Variants in DDX43 observed in about 807,000 individuals in gnomAD.
DDX43 encodes the protein probable ATP-dependent RNA helicase DDX43.
Under a neutral mutation model 84.9 loss-of-function variants are expected in DDX43, and 50 were observed. The ratio of observed to expected loss-of-function variants is 0.59; its 90% CI spans 0.47 to 0.75. The LOEUF (loss-of-function observed/expected upper bound fraction) is 0.75. Ranked by LOEUF, DDX43 falls within the 30% of genes least tolerant of loss-of-function variation. The probability of loss-of-function intolerance (pLI) is 0.00; values close to 1 mark genes in which losing one functional copy is unlikely to be tolerated. For missense variants in DDX43, 689 were observed against 798.6 expected, an observed-to-expected ratio of 0.86 and a Z score of 1.65; for synonymous variants, 291 against 266.3, an observed-to-expected ratio of 1.09 and a Z score of -0.90.
rs11544340 is a variant in DDX43, at chr6:73,395,084, C to G, written c.179C>G (p.Ala60Gly). ...AGAGGCACCTCTAGGCCCCCGGAGG[C>G]CGTGGCCGCTGGTCACGAGGAACTG... is the stretch of plus-strand genomic sequence containing the variant. ...RWRGTSRPPE[A>G]VAAGHEELPL... The change falls in exon 1 of 17, where the codon GCC (alanine) becomes GGC (glycine). Residue 60 changes from alanine to glycine, a missense_variant. Ala to Gly is a moderately conservative substitution (Grantham distance 60). Around this residue, in one of 2 missense-constraint regions of DDX43, gnomAD observed 137 missense variants for 105.9 expected, o/e 1.29. Coordinates refer to ENST00000370336, the MANE Select transcript of DDX43 (RefSeq NM_018665.3). 181 of 1,614,042 alleles carry G rather than the reference C, an allele frequency of 1.1e-4. No individual in the cohort carries two copies. In the African/African-American group the frequency reaches 2.3e-3, roughly 21 times the overall value.
rs762493306 is a variant in DDX43 at position 73,395,030 on chromosome 6, G to C, written c.125G>C (p.Gly42Ala). The change falls in exon 1 of 17, where the codon GGA becomes GCA. Residue 42 changes from glycine (G) to alanine (A), a missense_variant. Physicochemically the swap from Gly to Ala is moderately conservative, Grantham distance 60. Coordinates refer to ENST00000370336, the MANE Select transcript of DDX43 (RefSeq NM_018665.3). ...GAGTTGAATCGAACAGGTCCTGAGG[G>C]ATATAGTGTCGGCAGAGGTGGTCGC... ...AEELNRTGPEGYSVGRGGRWR... is the reference protein window; with the variant it reads ...AEELNRTGPEAYSVGRGGRWR... The C allele has an allele frequency of 6.2e-7, 1 of 1,614,260 alleles. No individual in the cohort carries two copies. The highest frequency in any genetic ancestry group is 8.5e-7 in the Non-Finnish European group (1 of 1,180,042).
At chr6:73,406,169 A>G (rs1229459244) in intron 6 of DDX43, among the ~76,000 whole-genome samples, 195 bp from the exon 7 acceptor site, 2 of 151,100 alleles carry the variant, frequency 1.3e-5, no homozygotes, top group East Asian at 3.9e-4. Flanking sequence ...GATTACAGAC[A>G]TGTGCCACCA....
chr6:73,395,216 AG>A, intron 1 of DDX43, 61 bp downstream of exon 1: 1 of 1,517,208 alleles, frequency 6.6e-7, no homozygotes, highest in East Asian at 2.5e-5. Flanking sequence ...GCCTGGGCGA[AG>A]GCATTTCCTC....
chr6:73,400,557 C>T (rs1769547915), intron 3 of DDX43, among the ~76,000 whole-genome samples, 194 bp downstream of exon 3: 1 of 152,162 alleles, frequency 6.6e-6, no homozygotes, highest in African/African-American at 2.4e-5. Flanking sequence ...TATGTTCATG[C>T]CTAGCAGTTT....
intron 1 of DDX43, among the ~76,000 whole-genome samples, chr6:73,397,174 A>G (rs1371180891): frequency 6.6e-6 from 1 of 152,194 alleles, no homozygotes; most frequent in East Asian, 1.9e-4. Context: ...TCCCACCAAC[A>G]GTACACAGGG....
chr6:73,416,553 C>G (rs1769907828), intron 16 of DDX43, among the ~76,000 whole-genome samples: 4 of 152,150 alleles, frequency 2.6e-5, no homozygotes, highest in Admixed American at 2.6e-4. Flanking sequence ...GAAGAAAACT[C>G]AGTCATATAG....
chr6:73,412,313 ATTG>A lies in DDX43; in HGVS notation c.1368+24_1368+26del, dbSNP rs759115468. On this transcript the variant is annotated intron_variant, in intron 11 of 16. Coordinates refer to ENST00000370336, the MANE Select transcript of DDX43 (RefSeq NM_018665.3). Reference sequence around the variant, plus strand: ...TAGTTGTAAGCTTTTTTTTATTACTATTGTTTAACATTTCTTATGAAAATTCTG... The same window carrying A: ...TAGTTGTAAGCTTTTTTTTATTACTATTTAACATTTCTTATGAAAATTCTG... 3 of 1,579,680 alleles carry A rather than the reference ATTG, an allele frequency of 1.9e-6. No individual in the cohort carries two copies. The African/African-American group carries it at 4.1e-5, about 22-fold the overall frequency.
Position 73,395,004 on chromosome 6 carries a change from G to C in DDX43, c.99G>C (p.Glu33Asp). The C allele has an allele frequency of 1.2e-6, 2 of 1,614,274 alleles. No individual in the cohort carries two copies. Among genetic ancestry groups the C allele is most frequent in the Non-Finnish European group, 1.7e-6 (2 of 1,180,044 alleles). Residue 33 changes from glutamate (E) to aspartate (D), a missense_variant, in exon 1 of 17, where the codon GAG (glutamate) becomes GAC (aspartate). Around this residue, in one of 2 missense-constraint regions of DDX43, gnomAD observed 137 missense variants for 105.9 expected, o/e 1.29. Coordinates refer to ENST00000370336, the MANE Select transcript of DDX43 (RefSeq NM_018665.3). ...GAGCGCCAGAGAGGAGGCCGGCGGA[G>C]GAGTTGAATCGAACAGGTCCTGAGG... ...VSRAPERRPA[E>D]ELNRTGPEGY...
At chr6:73,415,412 C>G in intron 14 of DDX43, 85 bp from the exon 15 acceptor site, 1 of 935,792 alleles carries the variant, frequency 1.1e-6, no homozygotes, top group Non-Finnish European at 1.6e-6. Flanking sequence ...TTAATACATT[C>G]CAGCTTCTGT....
In DDX43 at chr6:73,414,675, G is replaced by A. The variant is rs140904235; in HGVS notation, c.1734G>A (p.Thr578=). The change falls in exon 14 of 17, where the codon ACG becomes ACA. Residue 578 remains threonine (T), a synonymous_variant. Coordinates refer to ENST00000370336, the MANE Select transcript of DDX43 (RefSeq NM_018665.3). ...AATACGTACACCGAATAGGGCGCAC[G>A]GGAAGAGCAGGGTAAGTAAGCTTAG... ...IEEYVHRIGR[T]GRAGRTGVSI... is the part of the protein sequence containing the mutation. 25 of 1,611,748 alleles carry A rather than the reference G, an allele frequency of 1.6e-5. No individual in the cohort carries two copies. The highest frequency in any genetic ancestry group is 5.3e-5 in the African/African-American group (4 of 74,800).
chr6:73,406,533 A>G (rs1355920688), intron 7 of DDX43, 51 bp downstream of exon 7: 5 of 1,161,012 alleles, frequency 4.3e-6, no homozygotes, highest in African/African-American at 1.6e-5. Flanking sequence ...ATAGATTTAG[A>G]TATCAAAAAT....
chr6:73,398,786 A>G (rs888265309), intron 2 of DDX43, among the ~76,000 whole-genome samples: 8 of 152,126 alleles, frequency 5.3e-5, no homozygotes, highest in East Asian at 1.9e-4. Context: ...TAATCTGACT[A>G]TCCACATTGG....
In DDX43 at chr6:73,410,958, G is replaced by A. The variant is rs544520511; in HGVS notation, c.1281-1247G>A. ...TCCCAGCACTTTGGGAGGCCGAGAC[G>A]AGCGAATCACGAGGTCAGGAGATCG... On this transcript the variant is annotated intron_variant, in intron 10 of 16. Transcript: ENST00000370336. 4.4e-4 allele frequency among the ~76,000 whole-genome samples: 67 copies of A among 151,980 alleles called. No homozygotes were observed. In the East Asian group the frequency reaches 5.2e-3, roughly 12 times the overall value.
intron 5 of DDX43, among the ~76,000 whole-genome samples, chr6:73,405,067 A>T (rs928240749): frequency 6.6e-6 from 1 of 152,028 alleles, no homozygotes; most frequent in African/African-American, 2.4e-5. Flanking sequence ...AGTGCCTACT[A>T]TATTGGACAG....
rs200575768 is a variant in DDX43, at chr6:73,402,002, T to A, written c.568+12T>A. 5.0e-6 allele frequency: 8 copies of A among 1,613,080 alleles called. No individual in the cohort carries two copies. Among genetic ancestry groups the A allele is most frequent in the Non-Finnish European group, 5.1e-6 (6 of 1,179,604 alleles). On this transcript the variant is annotated intron_variant, in intron 4 of 16. Coordinates refer to ENST00000370336, the MANE Select transcript of DDX43 (RefSeq NM_018665.3). ...AACAAAGTGGGCAGGTCAGTGCTGCTTCCTAATATTTACATATATTGTTTC... is the reference window on the plus strand; with the variant it reads ...AACAAAGTGGGCAGGTCAGTGCTGCATCCTAATATTTACATATATTGTTTC...
chr6:73,406,612 A>AT lies in DDX43; in HGVS notation c.926+132dup, dbSNP rs367884900. ...CCTAGCTTCAGAGAAGATGCAAGGA[A>AT]TTAAACACTTAGATTGTGCTGGTGA... On this transcript the variant is annotated intron_variant, in intron 7 of 16. Transcript: ENST00000370336. The AT allele has an allele frequency of 1.4e-4, 82 of 599,976 alleles. 1 individual carries two copies. Among genetic ancestry groups the AT allele is most frequent in the African/African-American group, 1.3e-3 (71 of 53,036 alleles). The allele number at this position is 599,976 out of a possible 1,614,324, so 37.2% of individuals were successfully genotyped here. A position where few individuals can be genotyped will look rare whatever the true frequency, so the allele number is the denominator to read the frequency against.
intron 11 of DDX43, among the ~76,000 whole-genome samples, chr6:73,413,101 A>G (rs1185067419): frequency 6.6e-6 from 1 of 152,188 alleles, no homozygotes; most frequent in Non-Finnish European, 1.5e-5. Flanking sequence ...AGGTCTACAT[A>G]TATACATAAA....
At chr6:73,414,308 A>T (rs1013518516) in intron 13 of DDX43, among the ~76,000 whole-genome samples, 1 of 152,214 alleles carries the variant, frequency 6.6e-6, no homozygotes, top group Non-Finnish European at 1.5e-5. Flanking sequence ...CAGAAAATAT[A>T]TCTGAAGTTA....
At position 73,413,719 on chromosome 6, in the gene DDX43, T is replaced by A; in HGVS notation, c.1430T>A (p.Met477Lys). ...ACCGAGGAAGAGAAATGGAGTCACA[T>A]GCAAACTTTTCTACAGAGTATGTCA... ...VTTEEEKWSH[M>K]QTFLQSMSST... The change falls in exon 12 of 17, where the codon ATG (methionine) becomes AAG (lysine). Residue 477 changes from methionine to lysine, a missense_variant. Around this residue, in one of 2 missense-constraint regions of DDX43, gnomAD observed 552 missense variants for 692.7 expected, o/e 0.80. Coordinates refer to ENST00000370336, the MANE Select transcript of DDX43 (RefSeq NM_018665.3). The A allele has an allele frequency of 1.2e-6, 2 of 1,613,936 alleles. No homozygotes were observed. Among genetic ancestry groups the A allele is most frequent in the Non-Finnish European group, 1.7e-6 (2 of 1,179,898 alleles).
Sources: gnomAD v4.1 joint callset for allele counts (sites outside exome capture counted in the v4.1 genomes callset) on GRCh38, gnomAD v4.1.1 for gene constraint, gnomAD v4.1.1 regional missense constraint, MANE v1.5 for transcripts, NCBI Gene and HGNC (gene_info 2026-07-23, HGNC 2026-07-21) for gene names.